UNC79: variants seen among roughly 807,000 people sequenced by gnomAD.
The protein encoded by UNC79 is protein unc-79 homolog.
In UNC79, 37 loss-of-function variants were observed where a neutral mutation model predicts 283.1. The ratio of observed to expected loss-of-function variants is 0.13; its 90% CI spans 0.10 to 0.17. The LOEUF (loss-of-function observed/expected upper bound fraction) is 0.17, where lower values mean the gene tolerates loss of function less well. UNC79 is among the 10% of genes least tolerant of loss of function. The probability of loss-of-function intolerance (pLI) is 1.00; values close to 1 mark genes in which losing one functional copy is unlikely to be tolerated. For missense variants in UNC79, 2,272 were observed against 3,211.1 expected (o/e 0.71, Z 7.07); for synonymous variants, 1,107 against 1,200.2 (o/e 0.92, Z 1.61).
intron 40 of UNC79, among the ~76,000 whole-genome samples, chr14:93,667,034 T>C (rs2140520049): frequency 6.6e-6 from 1 of 151,030 alleles, no homozygotes; most frequent in Admixed American, 6.6e-5. Flanking sequence ...AACCCAGGAG[T>C]TTGAGGCTGC....
At chr14:93,414,268 C>T (rs1434224681) in intron 1 of UNC79, among the ~76,000 whole-genome samples, 2 of 152,128 alleles carry the variant, frequency 1.3e-5, no homozygotes, top group Non-Finnish European at 2.9e-5. Context: ...TTCCCAGTGC[C>T]ATTATTAAAT....
At chr14:93,340,818 C>T (rs1219389563) in intron 1 of UNC79, among the ~76,000 whole-genome samples, 1 of 152,124 alleles carries the variant, frequency 6.6e-6, no homozygotes, top group Non-Finnish European at 1.5e-5. Context: ...GCAATCTGCC[C>T]ATCTCAGCCT....
intron 14 of UNC79, among the ~76,000 whole-genome samples, chr14:93,550,514 CAAA>C (rs1205210121): frequency 5.2e-5 from 1 of 19,196 alleles, no homozygotes; most frequent in Admixed American, 1.0e-3. Context: ...GACTCCGTAT[CAAA>C]AAAAAAAAAA....
At chr14:93,475,135 C>A (rs993990357) in intron 3 of UNC79, among the ~76,000 whole-genome samples, 2 of 152,060 alleles carry the variant, frequency 1.3e-5, no homozygotes, top group African/African-American at 4.8e-5. Flanking sequence ...GGTTGCTTAC[C>A]AAATTCTCCT....
chr14:93,562,162 G>C (rs926455138), intron 14 of UNC79, among the ~76,000 whole-genome samples: 9 of 152,218 alleles, frequency 5.9e-5, no homozygotes, highest in African/African-American at 1.9e-4. Context: ...GGTGAACCCA[G>C]TGGGGAGGAT....
At chr14:93,404,097 T>C (rs1471032521) in intron 1 of UNC79, among the ~76,000 whole-genome samples, 1 of 151,950 alleles carries the variant, frequency 6.6e-6, no homozygotes, top group African/African-American at 2.4e-5. Context: ...AGCACAGAAA[T>C]TGATAAAATG....
chr14:93,359,969 G>A (rs933794505), intron 1 of UNC79, among the ~76,000 whole-genome samples: 1 of 152,140 alleles, frequency 6.6e-6, no homozygotes, highest in African/African-American at 2.4e-5. Context: ...ACTGGATACC[G>A]GATCTGAGCT....
At chr14:93,414,346 G>A (rs1282469160) in intron 1 of UNC79, among the ~76,000 whole-genome samples, 3 of 152,070 alleles carry the variant, frequency 2.0e-5, no homozygotes, top group African/African-American at 4.8e-5. Flanking sequence ...TAGATATGTG[G>A]CGTTATTTCT....
At chr14:93,479,039 G>A (rs1173796332) in intron 4 of UNC79, among the ~76,000 whole-genome samples, 1 of 152,034 alleles carries the variant, frequency 6.6e-6, no homozygotes, top group African/African-American at 2.4e-5. Flanking sequence ...TTCTTCTTTT[G>A]TTCTTACTGA....
intron 35 of UNC79, among the ~76,000 whole-genome samples, chr14:93,648,035 C>T (rs1300760143): frequency 3.3e-5 from 5 of 152,138 alleles, no homozygotes; most frequent in South Asian, 2.1e-4. Context: ...CCTCCCACAA[C>T]GTGTGGGAAT....
intron 27 of UNC79, among the ~76,000 whole-genome samples, chr14:93,615,626 G>A (rs1301197691): frequency 6.7e-6 from 1 of 149,508 alleles, no homozygotes; most frequent in Non-Finnish European, 1.5e-5. Context: ...GGAGACTGAG[G>A]CAGGTGAATC....
chr14:93,408,196 A>G (rs2055265596), intron 1 of UNC79, among the ~76,000 whole-genome samples: 1 of 152,220 alleles, frequency 6.6e-6, no homozygotes, highest in Non-Finnish European at 1.5e-5. Flanking sequence ...TTAATATGCT[A>G]AGGGCTCTAA....
chr14:93,600,646 C>T, exon 25 of UNC79: 1 of 1,613,602 alleles, frequency 6.2e-7, no homozygotes, highest in South Asian at 1.1e-5. Context: ...AGCTTTTACT[C>T]TTGCACTTTC....
chr14:93,452,119 C>G (rs1216147287), intron 1 of UNC79, among the ~76,000 whole-genome samples: 3 of 152,142 alleles, frequency 2.0e-5, no homozygotes, highest in Admixed American at 6.5e-5. Context: ...AAAAGTCTTC[C>G]CGGACTATCC....
chr14:93,561,383 G>A (rs1206528881), intron 14 of UNC79, among the ~76,000 whole-genome samples: 21 of 152,162 alleles, frequency 1.4e-4, no homozygotes, highest in Admixed American at 1.4e-3. Context: ...GTCTGGGGAG[G>A]TCTTGCTGGA....
intron 31 of UNC79, among the ~76,000 whole-genome samples, chr14:93,633,696 C>T (rs2140109459): frequency 6.6e-6 from 1 of 152,316 alleles, no homozygotes. Flanking sequence ...CCAGAGGAGA[C>T]TGCTTTCCAA....
chr14:93,690,374 G>C lies in UNC79; in HGVS notation c.7272+71G>C. On this transcript the variant is annotated intron_variant, in intron 45 of 48. Transcript: ENST00000555664. This position sits in a 1 kb window ranked among gnomAD's most constrained non-coding sequence, Gnocchi z 4.3. ...AATGGAAACCTTATCAGCCAATTAT[G>C]TTTCTTCTGAGAAGAAAATACATCT... The C allele has an allele frequency of 6.6e-7, 1 of 1,509,766 alleles. No individual in the cohort carries two copies. Among genetic ancestry groups the C allele is most frequent in the Non-Finnish European group, 9.0e-7 (1 of 1,116,184 alleles). 93.5% of individuals were successfully genotyped at this position (1,509,766 alleles called of 1,614,324 possible). A position where few individuals can be genotyped will look rare whatever the true frequency, so the allele number is the denominator to read the frequency against.
chr14:93,484,048 T>A (rs1158133632), intron 4 of UNC79, among the ~76,000 whole-genome samples: 2 of 152,212 alleles, frequency 1.3e-5, no homozygotes, highest in African/African-American at 2.4e-5. Flanking sequence ...CCTTTGGGTA[T>A]ATACCCAGTA....
chr14:93,634,643 T>G lies in UNC79; in HGVS notation c.5717-2573T>G. The G allele has an allele frequency of 6.2e-7, 1 of 1,610,114 alleles. No homozygotes were observed. The highest frequency in any genetic ancestry group is 8.5e-7 in the Non-Finnish European group (1 of 1,176,454). On this transcript the variant is annotated intron_variant, in intron 31 of 48. Transcript: ENST00000555664. ...CATCAGCAACTGGGACACTGGTGGGTCAAGCTTTTTCTTCTCATTCTACCT... is the reference window on the plus strand; with the variant it reads ...CATCAGCAACTGGGACACTGGTGGGGCAAGCTTTTTCTTCTCATTCTACCT...
Sources: allele counts gnomAD v4.1 joint callset (sites outside exome capture counted in the v4.1 genomes callset), GRCh38; gene constraint gnomAD v4.1.1; non-coding constraint Gnocchi (gnomAD v3.1); transcripts MANE v1.5; gene names NCBI Gene and HGNC (gene_info 2026-07-23, HGNC 2026-07-21).